The following COL1A1 variants were observed in gnomAD, a reference collection of about 807,000 sequenced individuals.
COL1A1 encodes the protein collagen type I alpha 1 chain, also known as collagen alpha-1(I) chain.
COL1A1 carries 21 observed loss-of-function variants against 195.7 expected under a neutral mutation model. That is an observed-to-expected ratio of 0.11 (90% confidence interval 0.08 to 0.15). The LOEUF (loss-of-function observed/expected upper bound fraction) is 0.15, where lower values mean the gene tolerates loss of function less well. Ranked by LOEUF, COL1A1 falls within the 10% of genes least tolerant of loss-of-function variation. The pLI, the probability that COL1A1 is intolerant of heterozygous loss-of-function variation, is 1.00. For missense variants in COL1A1, 1,365 were observed against 2,051.0 expected, an observed-to-expected ratio of 0.67 and a Z score of 6.46; for synonymous variants, 749 against 747.3, an observed-to-expected ratio of 1.00 and a Z score of -0.04.
chr17:50,186,171 A>G lies in COL1A1; in HGVS notation c.4005+146T>C, dbSNP rs989851580. 4 of 1,511,338 alleles carry G rather than the reference A, an allele frequency of 2.6e-6. No homozygotes were observed. In the African/African-American group the frequency reaches 5.5e-5, roughly 21 times the overall value. 93.6% of individuals were successfully genotyped at this position (1,511,338 alleles called of 1,614,324 possible). Reference sequence around the variant, plus strand: ...CTGCCCATCGGCAGCCTGTGTCTGAACCACTATCAGGGACCTGAGACCCCT... The same window carrying G: ...CTGCCCATCGGCAGCCTGTGTCTGAGCCACTATCAGGGACCTGAGACCCCT... On this transcript the variant is annotated intron_variant, in intron 49 of 50. Transcript: ENST00000225964. This position sits in a 1 kb window ranked among gnomAD's most constrained non-coding sequence, Gnocchi z 5.3.
chr17:50,193,041 G>A lies in COL1A1; in HGVS notation c.1774C>T (p.Pro592Ser), dbSNP rs762089694. Residue 592 changes from proline (P) to serine (S), a missense_variant, in exon 26 of 51, where the codon CCC (proline) becomes TCC (serine). Physicochemically the swap from Pro to Ser is moderately conservative, Grantham distance 74. Transcript: ENST00000225964. ...FPGPKGAAGEPGKAGERGVPG... is the reference protein window; with the variant it reads ...FPGPKGAAGESGKAGERGVPG... ...ACACCTCGCTCTCCAGCCTTGCCGG[G>A]CTCTCCCTGTGGAGAAAGGGAGTTA... 3 of 1,613,802 alleles carry A rather than the reference G, an allele frequency of 1.9e-6. No individual in the cohort carries two copies. The highest frequency in any genetic ancestry group is 1.7e-6 in the Non-Finnish European group (2 of 1,179,982).
chr17:50,190,497 G>A lies in COL1A1; in HGVS notation c.2397+46C>T, dbSNP rs2144555014. On this transcript the variant is annotated intron_variant, in intron 34 of 50. Transcript: ENST00000225964. The surrounding 1 kb of genome is among the most constrained non-coding windows in gnomAD (Gnocchi z 4.7). ...CAGGGCCAGGGGTGCTGTGTGAAGG[G>A]AGGGAAGGGCCAAGTATGGGGTCTT... 6.2e-7 allele frequency: 1 copy of A among 1,610,926 alleles called. No individual in the cohort carries two copies. Among genetic ancestry groups the A allele is most frequent in the East Asian group, 2.2e-5 (1 of 44,854 alleles).
chr17:50,188,022 C>T lies in COL1A1; in HGVS notation c.3262-39G>A. The T allele has an allele frequency of 2.5e-6, 4 of 1,613,828 alleles. No homozygotes were observed. The highest frequency in any genetic ancestry group is 3.4e-6 in the Non-Finnish European group (4 of 1,179,762). On this transcript the variant is annotated intron_variant, in intron 44 of 50. Coordinates refer to ENST00000225964, the MANE Select transcript of COL1A1 (RefSeq NM_000088.4). This position sits in a 1 kb window ranked among gnomAD's most constrained non-coding sequence, Gnocchi z 5.6. ...AGGGACAAACTGTCAGGCGGAAGTT[C>T]CATTGGCATCGAGTGGGGCACTGTC...
rs572426023 is a variant in COL1A1, at chr17:50,191,372, G to C, written c.2235+11C>G. 39 of 1,612,300 alleles carry C rather than the reference G, an allele frequency of 2.4e-5. No homozygotes were observed. In the South Asian group the frequency reaches 3.6e-4, roughly 15 times the overall value. On this transcript the variant is annotated intron_variant, in intron 32 of 50. Coordinates refer to ENST00000225964, the MANE Select transcript of COL1A1 (RefSeq NM_000088.4). ...ATGTAGGGCTCAGGGGAGGGGGAAG[G>C]TTGAACTTACTCTGTCACCCTTAGG...
At position 50,184,524 on chromosome 17, in the gene COL1A1, T is replaced by C. The variant is rs917094352; in HGVS notation, c.*978A>G. The C allele has an allele frequency of 6.5e-5, 15 of 231,074 alleles. No individual in the cohort carries two copies. Among genetic ancestry groups the C allele is most frequent in the African/African-American group, 8.9e-5 (4 of 44,986 alleles). The allele number at this position is 231,074 out of a possible 1,614,324, so 14.3% of individuals were successfully genotyped here. A position where few individuals can be genotyped will look rare whatever the true frequency, so the allele number is the denominator to read the frequency against. On this transcript the variant is annotated 3_prime_UTR_variant, in exon 51 of 51. Coordinates refer to ENST00000225964, the MANE Select transcript of COL1A1 (RefSeq NM_000088.4). ...AATATCAAGGAATAAAAATAGACTT[T>C]GAACAAAAAGGAACATTTGCTGGCC...
chr17:50,189,025 A>G lies in COL1A1; in HGVS notation c.2938-15T>C. 1.2e-6 allele frequency: 2 copies of G among 1,608,734 alleles called. No individual in the cohort carries two copies. Among genetic ancestry groups the G allele is most frequent in the Non-Finnish European group, 1.7e-6 (2 of 1,175,508 alleles). On this transcript the variant is annotated splice_polypyrimidine_tract_variant and intron_variant, in intron 40 of 50. Coordinates refer to ENST00000225964, the MANE Select transcript of COL1A1 (RefSeq NM_000088.4). This position sits in a 1 kb window ranked among gnomAD's most constrained non-coding sequence, Gnocchi z 5.5. Reference sequence around the variant, plus strand: ...CCAGGTTCACCCTAAGGGAGAAGAAAGAGTCAGGCCAGAGATAGGGTCTGG... The same window carrying G: ...CCAGGTTCACCCTAAGGGAGAAGAAGGAGTCAGGCCAGAGATAGGGTCTGG...
chr17:50,196,210 G>GAGGGGAAGCCCCGTT lies in COL1A1; in HGVS notation c.958-26_958-12dup, dbSNP rs1179869087. The GAGGGGAAGCCCCGTT allele has an allele frequency of 1.2e-6, 2 of 1,614,044 alleles. No individual in the cohort carries two copies. Among genetic ancestry groups the GAGGGGAAGCCCCGTT allele is most frequent in the Non-Finnish European group, 1.7e-6 (2 of 1,179,972 alleles). On this transcript the variant is annotated splice_polypyrimidine_tract_variant and intron_variant, in intron 14 of 50. Transcript: ENST00000225964. The stretch of plus-strand genomic sequence containing the variant: ...ATTTCCACGAGCACCCTGCAGGAGA[G>GAGGGGAAGCCCCGTT]AGGGGAAGCCCCGTTAAGTCCACTG...
At chr17:50,193,078 G>C in intron 25 of COL1A1, 31 bp from the exon 26 acceptor site, 1 of 1,611,380 alleles carries the variant, frequency 6.2e-7, no homozygotes, top group Non-Finnish European at 8.5e-7. Flanking sequence ...GGTTGAGGGG[G>C]CTGAAGTGAG....
At chr17:50,196,569 T>C in intron 12 of COL1A1, 41 bp from the exon 13 acceptor site, 2 of 1,614,128 alleles carry the variant, frequency 1.2e-6, no homozygotes, top group Non-Finnish European at 1.7e-6. Flanking sequence ...TCATTCATGG[T>C]GGGACTCTGG....
rs773264811 is a variant in COL1A1, at chr17:50,196,701, C to T, written c.805-31G>A. 3.7e-6 allele frequency: 6 copies of T among 1,612,994 alleles called. No individual in the cohort carries two copies. In the South Asian group the frequency reaches 6.6e-5, roughly 18 times the overall value. On this transcript the variant is annotated intron_variant, in intron 11 of 50. Transcript: ENST00000225964. ...GCAGGAAAGAGGTAGAAGGTAAGAA[C>T]CTGTGGAGGGGGTGGAACAGCCTTG...
In COL1A1 at chr17:50,200,823, G is replaced by C. The variant is rs117580814; in HGVS notation, c.103+588C>G. ...ACCCAGCAATAACCCGGGTCTTCCC[G>C]CTCCGGCTCCTGCCCCAGTAAGCGT... On this transcript the variant is annotated intron_variant, in intron 1 of 50. Transcript: ENST00000225964. Among the ~76,000 whole-genome samples the C allele has an allele frequency of 4.4e-3, 665 of 152,260 alleles. 3 individuals carry two copies. Among genetic ancestry groups the C allele is most frequent in the Non-Finnish European group, 8.2e-3 (556 of 68,014 alleles).
intron 25 of COL1A1, chr17:50,193,439 C>T (rs1481268494): frequency 3.1e-6 from 1 of 327,408 alleles, no homozygotes; most frequent in Non-Finnish European, 5.6e-6. Context: ...GAGCAGTGGT[C>T]ATGGAGCCTG....
Position 50,188,887 on chromosome 17 carries a change from G to A in COL1A1, c.3045+16C>T. 1.3e-6 allele frequency: 2 copies of A among 1,566,714 alleles called. No homozygotes were observed. The highest frequency in any genetic ancestry group is 1.7e-4 in the Middle Eastern group (1 of 5,984). On this transcript the variant is annotated intron_variant, in intron 41 of 50. Coordinates refer to ENST00000225964, the MANE Select transcript of COL1A1 (RefSeq NM_000088.4). The surrounding 1 kb of genome is among the most constrained non-coding windows in gnomAD (Gnocchi z 5.6). ...CCATGCTGAGGGTACTGGCATGGGG[G>A]CTGGGGACTGCTCACCTCACGTCCA...
In COL1A1 at chr17:50,194,731, G is replaced by A. The variant is rs1300122024; in HGVS notation, c.1451C>T (p.Pro484Leu). Residue 484 changes from proline to leucine, a missense_variant, in exon 21 of 51, where the codon CCT becomes CTT. Transcript: ENST00000225964. This position sits in a 1 kb window ranked among gnomAD's most constrained non-coding sequence, Gnocchi z 6.8. ...GGCAGGGACACTTACACGCTCGCCA[G>A]GGGGTCCGGGCAGGCCAGTGGGTCC... The part of the protein sequence containing the change: ...EPGPTGLPGP[P>L]GERGGPGSRG... The A allele has an allele frequency of 1.3e-6, 2 of 1,568,082 alleles. No homozygotes were observed. The highest frequency in any genetic ancestry group is 1.2e-5 in the South Asian group (1 of 86,132).
Position 50,186,560 on chromosome 17 carries a change from T to C in COL1A1, c.3815-53A>G, listed in dbSNP as rs1371169656. The C allele has an allele frequency of 1.1e-5, 17 of 1,613,658 alleles. No homozygotes were observed. The highest frequency in any genetic ancestry group is 6.7e-5 in the East Asian group (3 of 44,866). Reference sequence around the variant, plus strand: ...CAGGGAAAGGGAGCAGCCAGCACCATATGGTAGGGGCACATATGGGCATGG... The same window carrying C: ...CAGGGAAAGGGAGCAGCCAGCACCACATGGTAGGGGCACATATGGGCATGG... On this transcript the variant is annotated intron_variant, in intron 48 of 50. Transcript: ENST00000225964. This position sits in a 1 kb window ranked among gnomAD's most constrained non-coding sequence, Gnocchi z 5.3.
rs1178696932 is a variant in COL1A1 at position 50,194,342 on chromosome 17, G to C, written c.1614+7C>G. ...GGCCAAGCCAGGCTGAAAGCCTGGGGCCTCACCTTGGCACCAGGCAGACCA... is the reference window on the plus strand; with the variant it reads ...GGCCAAGCCAGGCTGAAAGCCTGGGCCCTCACCTTGGCACCAGGCAGACCA... On this transcript the variant is annotated splice_region_variant and intron_variant, in intron 23 of 50. Transcript: ENST00000225964. This position sits in a 1 kb window ranked among gnomAD's most constrained non-coding sequence, Gnocchi z 6.8. 9 of 1,614,040 alleles carry C rather than the reference G, an allele frequency of 5.6e-6. No homozygotes were observed. The Admixed American group carries it at 1.5e-4, about 27-fold the overall frequency.
Position 50,197,075 on chromosome 17 carries a change from T to C in COL1A1, c.751-12A>G, listed in dbSNP as rs760994724. The stretch of plus-strand genomic sequence containing the variant: ...AATCCTCGAGCACCCTGGAGAGAGA[T>C]GAAGAAGACAAGGAAGGGCCATTAG... On this transcript the variant is annotated splice_polypyrimidine_tract_variant and intron_variant, in intron 10 of 50. Transcript: ENST00000225964. The C allele has an allele frequency of 6.2e-7, 1 of 1,614,062 alleles. No homozygotes were observed. Among genetic ancestry groups the C allele is most frequent in the Non-Finnish European group, 8.5e-7 (1 of 1,180,006 alleles).
At chr17:50,197,914 T>A in intron 8 of COL1A1, 35 bp downstream of exon 8, 1 of 1,610,670 alleles carries the variant, frequency 6.2e-7, no homozygotes, top group East Asian at 2.2e-5. Context: ...TGTGTGTTTG[T>A]AGAAGGAGTA....
In COL1A1 at chr17:50,188,074, G is replaced by A. The variant is rs1906713599; in HGVS notation, c.3261+22C>T. The A allele has an allele frequency of 1.2e-6, 2 of 1,612,712 alleles. No individual in the cohort carries two copies. Among genetic ancestry groups the A allele is most frequent in the South Asian group, 1.1e-5 (1 of 90,882 alleles). On this transcript the variant is annotated intron_variant, in intron 44 of 50. Transcript: ENST00000225964. The surrounding 1 kb of genome is among the most constrained non-coding windows in gnomAD (Gnocchi z 5.6). The stretch of plus-strand genomic sequence containing the variant: ...GCATCTGTAGAGTTCTAAAGGCATG[G>A]GGGACACAGCAGGGTACTTACGGCG...
Sources: allele counts gnomAD v4.1 joint callset (sites outside exome capture counted in the v4.1 genomes callset), GRCh38; gene constraint gnomAD v4.1.1; non-coding constraint Gnocchi (gnomAD v3.1); transcripts MANE v1.5; gene names NCBI Gene and HGNC (gene_info 2026-07-23, HGNC 2026-07-21).